The following MSRA variants were observed in gnomAD, a reference collection of about 807,000 sequenced individuals.
The protein encoded by MSRA is mitochondrial peptide methionine sulfoxide reductase.
In MSRA, 54 loss-of-function variants were observed where a neutral mutation model predicts 31.3. That is an observed-to-expected ratio of 1.73 (90% CI 1.39 to 2.17). The LOEUF is 2.17. Among genes scored for constraint, MSRA ranks in the 30% most tolerant of loss-of-function variants. MSRA has a pLI of 0.00. For synonymous variants in MSRA, 169 were observed against 116.5 expected, an observed-to-expected ratio of 1.45 and a Z score of -2.90; for missense variants, 507 against 300.9, an observed-to-expected ratio of 1.69 and a Z score of -5.07.
At chr8:10,283,326 T>G (rs904987850) in intron 3 of MSRA, among the ~76,000 whole-genome samples, 1 of 152,168 alleles carries the variant, frequency 6.6e-6, no homozygotes, top group Non-Finnish European at 1.5e-5. Context: ...TTCAGAACCC[T>G]CTTCATATTT....
chr8:10,346,829 G>A (rs553748069), intron 5 of MSRA, among the ~76,000 whole-genome samples: 13 of 152,338 alleles, frequency 8.5e-5, no homozygotes, highest in African/African-American at 2.6e-4. Context: ...TGCTAAAGGG[G>A]TTGTTGTTTG....
intron 5 of MSRA, among the ~76,000 whole-genome samples, chr8:10,400,427 A>G (rs1204353210): frequency 6.7e-6 from 1 of 150,276 alleles, no homozygotes; most frequent in Non-Finnish European, 1.5e-5. Context: ...GATGAATGAG[A>G]GCTGGGGCTG....
intron 3 of MSRA, among the ~76,000 whole-genome samples, chr8:10,276,412 A>T (rs900533831): frequency 1.3e-5 from 2 of 152,218 alleles, no homozygotes; most frequent in African/African-American, 4.8e-5. Context: ...GAAAACTGTC[A>T]GGCTTTCTTG....
chr8:10,101,514 A>C (rs1799527495), intron 1 of MSRA, among the ~76,000 whole-genome samples: 1 of 152,132 alleles, frequency 6.6e-6, no homozygotes, highest in African/African-American at 2.4e-5. Flanking sequence ...TGTACCCATA[A>C]ACAATAACTT....
intron 1 of MSRA, among the ~76,000 whole-genome samples, chr8:10,131,536 C>A (rs1801897478): frequency 1.3e-5 from 2 of 152,320 alleles, no homozygotes; most frequent in South Asian, 2.1e-4. Context: ...GGTGTACACT[C>A]CTGACCGTTG....
At chr8:10,379,550 C>T (rs1805942391) in intron 5 of MSRA, among the ~76,000 whole-genome samples, 1 of 152,184 alleles carries the variant, frequency 6.6e-6, no homozygotes, top group Admixed American at 6.5e-5. Context: ...AAGGCCAGTC[C>T]TTCCTCTCAT....
intron 1 of MSRA, among the ~76,000 whole-genome samples, chr8:10,082,854 C>A (rs373371636): frequency 4.6e-5 from 7 of 152,208 alleles, no homozygotes; most frequent in African/African-American, 1.7e-4. Flanking sequence ...CACCAAAGTG[C>A]CGTGAACAGA....
At chr8:10,247,245 G>A (rs1351422058) in intron 3 of MSRA, among the ~76,000 whole-genome samples, 1 of 152,150 alleles carries the variant, frequency 6.6e-6, no homozygotes, top group African/African-American at 2.4e-5. Flanking sequence ...ATCTTTTACA[G>A]AGGGAGTGTA....
chr8:10,309,340 C>T (rs931450919), intron 4 of MSRA, among the ~76,000 whole-genome samples: 6 of 152,256 alleles, frequency 3.9e-5, no homozygotes, highest in African/African-American at 1.4e-4. Flanking sequence ...CAGAGCGTGG[C>T]GCCTGGTGCG....
chr8:10,295,101 G>A (rs973268874), intron 3 of MSRA, among the ~76,000 whole-genome samples: 22 of 152,112 alleles, frequency 1.4e-4, no homozygotes, highest in Admixed American at 5.9e-4. Context: ...TGCTGCTCCC[G>A]TCTCTAAACT....
intron 1 of MSRA, among the ~76,000 whole-genome samples, chr8:10,189,457 T>G (rs1243983549): frequency 6.6e-6 from 1 of 152,206 alleles, no homozygotes; most frequent in African/African-American, 2.4e-5. Context: ...TCTGTTACCA[T>G]AAAGTATGAT....
In MSRA at chr8:10,176,141, A is replaced by T. The variant is rs187794793; in HGVS notation, c.143-31692A>T. 1.6e-4 allele frequency among the ~76,000 whole-genome samples: 24 copies of T among 152,350 alleles called. 1 individual carries two copies. The highest frequency in any genetic ancestry group is 3.9e-4 in the Admixed American group (6 of 15,308). On this transcript the variant is annotated intron_variant, in intron 1 of 5. Coordinates refer to ENST00000317173, the MANE Select transcript of MSRA (RefSeq NM_012331.5). ...TGTGTTTAATGCAGATCTTTTAAGC[A>T]GTTTGAAACGATCTCAAATTCATCT...
chr8:10,310,853 C>T (rs1374185035), intron 4 of MSRA, among the ~76,000 whole-genome samples: 1 of 152,228 alleles, frequency 6.6e-6, no homozygotes, highest in Non-Finnish European at 1.5e-5. Flanking sequence ...AACAGCAGCA[C>T]ATTATCCGAT....
intron 5 of MSRA, among the ~76,000 whole-genome samples, chr8:10,407,784 T>G (rs948441288): frequency 1.3e-5 from 2 of 152,178 alleles, no homozygotes; most frequent in South Asian, 4.1e-4. Flanking sequence ...ACCTGAAGTA[T>G]AGGATAGCTT....
intron 2 of MSRA, among the ~76,000 whole-genome samples, chr8:10,229,649 A>G (rs1422150215): frequency 6.6e-6 from 1 of 152,122 alleles, no homozygotes; most frequent in Admixed American, 6.5e-5. Context: ...TACCTCATAG[A>G]TGAAATCCCC....
At chr8:10,302,690 G>A (rs1387756404) in intron 4 of MSRA, among the ~76,000 whole-genome samples, 3 of 152,218 alleles carry the variant, frequency 2.0e-5, no homozygotes, top group Admixed American at 6.5e-5. Context: ...AGCAGGGTGA[G>A]GCAGGTTCAG....
intron 2 of MSRA, among the ~76,000 whole-genome samples, chr8:10,220,027 C>T (rs959359982): frequency 1.1e-4 from 17 of 151,990 alleles, no homozygotes; most frequent in Middle Eastern, 3.4e-3. Context: ...GAGAAACAGA[C>T]GTTTAGCTTG....
chr8:10,392,368 G>T (rs946084678), intron 5 of MSRA, among the ~76,000 whole-genome samples: 1 of 152,228 alleles, frequency 6.6e-6, no homozygotes, highest in Non-Finnish European at 1.5e-5. Context: ...TCCATGTTCA[G>T]TCCAGGAGAG....
At chr8:10,332,059 A>G (rs977551026) in intron 5 of MSRA, among the ~76,000 whole-genome samples, 3 of 152,164 alleles carry the variant, frequency 2.0e-5, no homozygotes, top group African/African-American at 7.2e-5. Context: ...CATAGTTACA[A>G]TATAGGATCA....
Sources: gnomAD v4.1 joint callset for allele counts (sites outside exome capture counted in the v4.1 genomes callset) on GRCh38, gnomAD v4.1.1 for gene constraint, MANE v1.5 for transcripts, NCBI Gene and HGNC (gene_info 2026-07-23, HGNC 2026-07-21) for gene names.